Variants in STK32B observed in about 807,000 individuals in gnomAD.
The protein encoded by STK32B is serine/threonine-protein kinase 32B.
STK32B carries 43 observed loss-of-function variants against 52.6 expected under a neutral mutation model. That is an observed-to-expected ratio of 0.82 (90% CI 0.64 to 1.05). The LOEUF (loss-of-function observed/expected upper bound fraction) is 1.05, where lower values mean the gene tolerates loss of function less well. Ranked by LOEUF, STK32B falls within the 50% of genes least tolerant of loss-of-function variation. The probability of loss-of-function intolerance (pLI) is 0.00; values close to 1 mark genes in which losing one functional copy is unlikely to be tolerated. For synonymous variants in STK32B, 238 were observed against 204.3 expected (o/e 1.17, Z -1.41); for missense variants, 621 against 534.6 (o/e 1.16, Z -1.59).
chr4:5,019,551 G>C, the STK32B span: 1 of 1,253,876 alleles, frequency 8.0e-7, no homozygotes, highest in East Asian at 3.2e-5. Flanking sequence ...CGCAGGCTGC[G>C]GTCCATCCAG....
intron 3 of STK32B, among the ~76,000 whole-genome samples, chr4:5,174,284 G>A (rs1440115323): frequency 1.3e-5 from 2 of 152,266 alleles, no homozygotes; most frequent in Admixed American, 6.5e-5. Flanking sequence ...TTTAATTGGA[G>A]CATTTAGCCC....
chr4:5,056,678 G>T (rs7695179), intron 1 of STK32B, among the ~76,000 whole-genome samples: 5,262 of 152,264 alleles, frequency 0.035, 292 homozygotes, highest in African/African-American at 0.12. Context: ...ATGTCCCACG[G>T]TTACTTTGAT....
chr4:5,175,970 C>T (rs1324511597), intron 3 of STK32B, among the ~76,000 whole-genome samples: 3 of 152,266 alleles, frequency 2.0e-5, no homozygotes, highest in African/African-American at 4.8e-5. Context: ...TTCCCAGCTG[C>T]TTTGTTTACC....
chr4:5,168,511 C>G, intron 3 of STK32B, 61 bp downstream of exon 3: 2 of 1,535,700 alleles, frequency 1.3e-6, no homozygotes, highest in Non-Finnish European at 1.8e-6. Context: ...AATGCAAATT[C>G]GCCTCTGCTA....
At chr4:5,216,616 G>T (rs1392131267) in intron 3 of STK32B, among the ~76,000 whole-genome samples, 4 of 152,186 alleles carry the variant, frequency 2.6e-5, no homozygotes, top group African/African-American at 9.7e-5. Context: ...GCATGGATGA[G>T]GACACTGCAG....
intron 11 of STK32B, among the ~76,000 whole-genome samples, chr4:5,492,954 G>C (rs924395780): frequency 4.0e-5 from 6 of 151,222 alleles, no homozygotes; most frequent in African/African-American, 1.5e-4. Flanking sequence ...TAAGCTTTTT[G>C]ATGTGCTGCT....
At chr4:5,127,055 C>CATGG (rs1328186261) in intron 1 of STK32B, 1 of 494,646 alleles carries the variant, frequency 2.0e-6, no homozygotes, top group Non-Finnish European at 4.0e-6. Context: ...ATAAAGGTGC[C>CATGG]ATGGACATTG....
intron 3 of STK32B, among the ~76,000 whole-genome samples, chr4:5,195,850 CT>C (rs1243331270): frequency 6.6e-6 from 1 of 152,304 alleles, no homozygotes; most frequent in African/African-American, 2.4e-5. Flanking sequence ...TGGACTTGAC[CT>C]TTTTATCAAC....
chr4:5,212,354 G>A (rs1044031329), intron 3 of STK32B, among the ~76,000 whole-genome samples: 1 of 152,180 alleles, frequency 6.6e-6, no homozygotes, highest in African/African-American at 2.4e-5. Context: ...ATATTCAGAT[G>A]TGACACCTCT....
At chr4:5,235,973 G>A (rs75802784) in intron 3 of STK32B, among the ~76,000 whole-genome samples, 1 of 152,244 alleles carries the variant, frequency 6.6e-6, no homozygotes, top group South Asian at 2.1e-4. Flanking sequence ...CCAGCAGGAG[G>A]GGATGGGAGG....
At chr4:5,485,045 A>T (rs915271374) in intron 11 of STK32B, among the ~76,000 whole-genome samples, 1 of 151,046 alleles carries the variant, frequency 6.6e-6, no homozygotes, top group Non-Finnish European at 1.5e-5. Context: ...TTCAACTTTG[A>T]TGAATCTGAC....
At chr4:5,417,931 A>C (rs1184102252) in intron 6 of STK32B, among the ~76,000 whole-genome samples, 1 of 152,142 alleles carries the variant, frequency 6.6e-6, no homozygotes, top group African/African-American at 2.4e-5. Flanking sequence ...TTCTTTCTCT[A>C]TGTGGTCTTT....
chr4:5,419,014 C>A (rs940082434), intron 6 of STK32B, among the ~76,000 whole-genome samples: 3 of 152,182 alleles, frequency 2.0e-5, no homozygotes, highest in African/African-American at 7.2e-5. Flanking sequence ...TCGGCTATAA[C>A]TTTCTTATTG....
At chr4:5,034,292 CTT>C in the STK32B span, among the ~76,000 whole-genome samples, 2 of 152,218 alleles carry the variant, frequency 1.3e-5, no homozygotes, top group African/African-American at 4.8e-5. Context: ...CTAATCCTGC[CTT>C]TCTCACCAAA....
At chr4:5,113,220 C>A (rs919241050) in intron 1 of STK32B, among the ~76,000 whole-genome samples, 4 of 152,128 alleles carry the variant, frequency 2.6e-5, no homozygotes, top group Admixed American at 6.6e-5. Flanking sequence ...CCTGTACAGA[C>A]CCCTCGTCTC....
chr4:5,246,062 C>T (rs865920165), intron 3 of STK32B, among the ~76,000 whole-genome samples: 69 of 152,094 alleles, frequency 4.5e-4, no homozygotes, highest in Middle Eastern at 3.2e-3. Flanking sequence ...TGGAGTTGCT[C>T]TTCTCGAGGA....
At chr4:5,260,989 G>A (rs1726674520) in intron 3 of STK32B, among the ~76,000 whole-genome samples, 1 of 152,130 alleles carries the variant, frequency 6.6e-6, no homozygotes, top group African/African-American at 2.4e-5. Flanking sequence ...ATGCACCCAT[G>A]TCAATCAGCC....
intron 1 of STK32B, among the ~76,000 whole-genome samples, chr4:5,117,121 G>A (rs1714773637): frequency 6.6e-6 from 1 of 152,092 alleles, no homozygotes; most frequent in Non-Finnish European, 1.5e-5. Context: ...TTTCCAATTT[G>A]AATGCATTTT....
At chr4:5,259,818 G>A (rs1366696796) in intron 3 of STK32B, among the ~76,000 whole-genome samples, 1 of 152,070 alleles carries the variant, frequency 6.6e-6, no homozygotes, top group Non-Finnish European at 1.5e-5. Flanking sequence ...AAAATAATAA[G>A]GGGTATATTT....
Sources: gnomAD v4.1 joint callset for allele counts (sites outside exome capture counted in the v4.1 genomes callset) on GRCh38, gnomAD v4.1.1 for gene constraint, MANE v1.5 for transcripts, NCBI Gene and HGNC (gene_info 2026-07-23, HGNC 2026-07-21) for gene names.